Variants in ATG2B observed in about 807,000 individuals in gnomAD.
The protein encoded by ATG2B is autophagy-related protein 2 homolog B.
ATG2B carries 121 observed loss-of-function variants against 241.3 expected under a neutral mutation model. The ratio of observed to expected loss-of-function variants is 0.50; its 90% CI spans 0.43 to 0.58. The LOEUF (loss-of-function observed/expected upper bound fraction) is 0.58, where lower values mean the gene tolerates loss of function less well. ATG2B is among the 20% of genes least tolerant of loss of function. The pLI is 0.00. For synonymous variants in ATG2B, 858 were observed against 876.6 expected (o/e 0.98, Z 0.37); for missense variants, 2,306 against 2,491.6 (o/e 0.93, Z 1.59).
In ATG2B at chr14:96,286,984, G is replaced by C. The variant is rs560954389; in HGVS notation, c.6007-999C>G. 3.9e-5 allele frequency among the ~76,000 whole-genome samples: 6 copies of C among 152,132 alleles called. No individual in the cohort carries two copies. In the South Asian group the frequency reaches 1.2e-3, roughly 32 times the overall value. ...AAAAGATGTCCAGAAGGCCGGGCGC[G>C]GTGGCTCACACCTGTAATCTCAGCA... On this transcript the variant is annotated intron_variant, in intron 41 of 41. Coordinates refer to ENST00000359933, the MANE Select transcript of ATG2B (RefSeq NM_018036.7).
chr14:96,303,065 T>G lies in ATG2B; in HGVS notation c.5033A>C (p.Asn1678Thr). 1 of 1,586,540 alleles carries G rather than the reference T, an allele frequency of 6.3e-7. No homozygotes were observed. Among genetic ancestry groups the G allele is most frequent in the African/African-American group, 1.4e-5 (1 of 73,950 alleles). ...SKEMPRKAHSNMLTVKALHVC... is the reference protein window; with the variant it reads ...SKEMPRKAHSTMLTVKALHVC... ...AACGATGAGGTTAACTCTTACCATG[T>G]TGGAGTGAGCTTTTCGAGGCATTTC... The change falls in exon 33 of 42, where the codon AAC (asparagine) becomes ACC (threonine). Residue 1678 changes from asparagine (N) to threonine (T), a missense_variant. This residue lies in a region of ATG2B where 1,927 missense variants were observed against 2,011.2 expected (regional missense o/e 0.96). Coordinates refer to ENST00000359933, the MANE Select transcript of ATG2B (RefSeq NM_018036.7).
At position 96,280,428 on chromosome 14, in the gene ATG2B, AGG is replaced by A. The variant is rs1886167448; in HGVS notation, c.*5325_*5326del. 1.3e-5 allele frequency: 2 copies of A among 152,176 alleles called. No homozygotes were observed. The highest frequency in any genetic ancestry group is 2.9e-5 in the Non-Finnish European group (2 of 68,030). 9.4% of individuals were successfully genotyped at this position (152,176 alleles called of 1,614,324 possible). ...GGCTGTGAAATTATAAAAAGACAGT[AGG>A]ATACTTGGCACACAGTAAGCATCTC... On this transcript the variant is annotated 3_prime_UTR_variant, in exon 42 of 42. Coordinates refer to ENST00000359933, the MANE Select transcript of ATG2B (RefSeq NM_018036.7).
chr14:96,287,753 A>G (rs1886378024), intron 41 of ATG2B, among the ~76,000 whole-genome samples: 1 of 152,248 alleles, frequency 6.6e-6, no homozygotes, highest in Non-Finnish European at 1.5e-5. Context: ...AGGGCCACAC[A>G]GAAGGTATTT....
chr14:96,332,353 A>C lies in ATG2B; in HGVS notation c.1420T>G (p.Ser474Ala), dbSNP rs1288417324. 1.2e-6 allele frequency: 2 copies of C among 1,613,808 alleles called. No homozygotes were observed. Among genetic ancestry groups the C allele is most frequent in the Non-Finnish European group, 1.7e-6 (2 of 1,179,800 alleles). ...DHHKEQPVRG[S>A]TFPSNLVHPT... ...TGAACTAGGTTGGATGGAAATGTTG[A>C]CCCTCTTACTGGCTGTTCTTTATGA... Residue 474 changes from serine (S) to alanine (A), a missense_variant, in exon 10 of 42, where the codon TCA (serine) becomes GCA (alanine). Physicochemically the swap from Ser to Ala is moderately conservative, Grantham distance 99. Coordinates refer to ENST00000359933, the MANE Select transcript of ATG2B (RefSeq NM_018036.7).
chr14:96,345,117 A>G, intron 3 of ATG2B, 116 bp downstream of exon 3: 1 of 725,520 alleles, frequency 1.4e-6, no homozygotes, highest in Non-Finnish European at 2.2e-6. Context: ...AAGTGGGAAC[A>G]GTAATTCTTT....
At position 96,328,498 on chromosome 14, in the gene ATG2B, G is replaced by A; in HGVS notation, c.2012C>T (p.Ala671Val). The A allele has an allele frequency of 6.2e-7, 1 of 1,612,136 alleles. No individual in the cohort carries two copies. ...TGGATTTAATTTAATTTGCAATTCT[G>A]CCTTGTGAGGAACTGAACTAAGTCT... ...QARLSSVPHK[A>V]ELQIKLNPVC... The change falls in exon 14 of 42, where the codon GCA becomes GTA. Residue 671 changes from alanine to valine, a missense_variant. Transcript: ENST00000359933.
intron 6 of ATG2B, among the ~76,000 whole-genome samples, chr14:96,336,887 C>T (rs1170692956): frequency 6.6e-6 from 1 of 152,146 alleles, no homozygotes. Flanking sequence ...AAGGATTTTG[C>T]ACCATCTGAA....
intron 1 of ATG2B, 85 bp downstream of exon 1, chr14:96,362,730 C>CT (rs1888696824): frequency 7.3e-7 from 1 of 1,366,376 alleles, no homozygotes; most frequent in Admixed American, 2.3e-5. Context: ...GAGGGACTGA[C>CT]TGTCACCAAT....
At chr14:96,297,170 G>A (rs1886665949) in intron 34 of ATG2B, among the ~76,000 whole-genome samples, 1 of 151,140 alleles carries the variant, frequency 6.6e-6, no homozygotes, top group Admixed American at 6.6e-5. Flanking sequence ...CATGTTTACA[G>A]TTTAACAGCA....
rs1886421020 is a variant in ATG2B, at chr14:96,289,381, C to T, written c.6006+275G>A. 2 of 310,636 alleles carry T rather than the reference C, an allele frequency of 6.4e-6. No individual in the cohort carries two copies. Among genetic ancestry groups the T allele is most frequent in the Admixed American group, 4.5e-5 (1 of 22,164 alleles). 19.2% of individuals were successfully genotyped at this position (310,636 alleles called of 1,614,324 possible). ...GTGTTAAACCTAGACAGCGATCACA[C>T]GGCATTTGTTTCTATCACTCCCTGA... On this transcript the variant is annotated intron_variant, in intron 41 of 41. Coordinates refer to ENST00000359933, the MANE Select transcript of ATG2B (RefSeq NM_018036.7). The surrounding 1 kb of genome is among the most constrained non-coding windows in gnomAD (Gnocchi z 4.3).
intron 32 of ATG2B, 29 bp from the exon 33 acceptor site, chr14:96,303,284 A>C: frequency 7.1e-7 from 1 of 1,407,778 alleles, no homozygotes; most frequent in Non-Finnish European, 9.4e-7. Context: ...AGAACGCGGA[A>C]CAGTTCTTTA....
intron 41 of ATG2B, among the ~76,000 whole-genome samples, chr14:96,288,467 C>T (rs986717857): frequency 1.3e-5 from 2 of 152,202 alleles, no homozygotes; most frequent in East Asian, 1.9e-4. Flanking sequence ...TCAATCCTGA[C>T]ATCTGTAGGA....
chr14:96,323,743 T>C (rs571726006), intron 16 of ATG2B, among the ~76,000 whole-genome samples, 153 bp downstream of exon 16: 1 of 152,326 alleles, frequency 6.6e-6, no homozygotes, highest in Non-Finnish European at 1.5e-5. Context: ...ATCTCACACA[T>C]TCATGTGAAC....
chr14:96,304,424 G>A (rs1172080320), intron 32 of ATG2B, 71 bp downstream of exon 32: 4 of 1,140,644 alleles, frequency 3.5e-6, no homozygotes, highest in Non-Finnish European at 5.3e-6. Flanking sequence ...AGACTACGTG[G>A]TGGGGGATAA....
rs1268183156 is a variant in ATG2B at position 96,280,014 on chromosome 14, G to A, written c.*5741C>T. The A allele has an allele frequency of 6.6e-6, 1 of 152,300 alleles. No individual in the cohort carries two copies. Among genetic ancestry groups the A allele is most frequent in the Non-Finnish European group, 1.5e-5 (1 of 68,156 alleles). 9.4% of individuals were successfully genotyped at this position (152,300 alleles called of 1,614,324 possible). On this transcript the variant is annotated 3_prime_UTR_variant, in exon 42 of 42. Coordinates refer to ENST00000359933, the MANE Select transcript of ATG2B (RefSeq NM_018036.7). ...TTTTGCTTTAATCAGTGTTGACTGT[G>A]GCCTGTGGTGCAGCATTTATAGAAA...
At chr14:96,352,503 C>T (rs969265566) in intron 1 of ATG2B, among the ~76,000 whole-genome samples, 6 of 151,856 alleles carry the variant, frequency 4.0e-5, no homozygotes, top group Non-Finnish European at 8.8e-5. Flanking sequence ...GAAGACCTTC[C>T]AGTGGAACAA....
At chr14:96,315,783 A>T (rs1351387391) in intron 21 of ATG2B, among the ~76,000 whole-genome samples, 200 bp from the exon 22 acceptor site, 11 of 152,236 alleles carry the variant, frequency 7.2e-5, no homozygotes, top group Non-Finnish European at 4.4e-5. Flanking sequence ...CAGCTTAAAG[A>T]AACAAAAGAT....
chr14:96,317,970 T>G, intron 18 of ATG2B, 115 bp from the exon 19 acceptor site: 2 of 695,174 alleles, frequency 2.9e-6, no homozygotes, highest in African/African-American at 3.6e-5. Context: ...AACGGCAAAA[T>G]GGAAATTAGA....
chr14:96,357,171 T>C (rs753334621), intron 1 of ATG2B, among the ~76,000 whole-genome samples: 3 of 152,200 alleles, frequency 2.0e-5, no homozygotes, highest in South Asian at 2.1e-4. Context: ...TTCTCATCTC[T>C]ACCTAGTTCC....
Sources: gnomAD v4.1 joint callset for allele counts (sites outside exome capture counted in the v4.1 genomes callset) on GRCh38, gnomAD v4.1.1 for gene constraint, gnomAD v4.1.1 regional missense constraint, Gnocchi (gnomAD v3.1) non-coding constraint, MANE v1.5 for transcripts, NCBI Gene and HGNC (gene_info 2026-07-23, HGNC 2026-07-21) for gene names.